The following SLCO6A1 variants were observed in gnomAD, a reference collection of about 807,000 sequenced individuals.
The protein encoded by SLCO6A1 is solute carrier organic anion transporter family member 6A1.
SLCO6A1 carries 65 observed loss-of-function variants against 72.7 expected under a neutral mutation model. That is an observed-to-expected ratio of 0.89 (90% confidence interval 0.73 to 1.10). SLCO6A1 has a LOEUF of 1.10. Among genes scored for constraint, SLCO6A1 ranks in the 50% least tolerant of loss-of-function variants. The probability of loss-of-function intolerance (pLI) is 0.00; values close to 1 mark genes in which losing one functional copy is unlikely to be tolerated. For missense variants in SLCO6A1, 874 were observed against 872.6 expected (o/e 1.00, Z -0.02); for synonymous variants, 314 against 298.2 (o/e 1.05, Z -0.55).
intron 4 of SLCO6A1, among the ~76,000 whole-genome samples, chr5:102,473,404 CT>C (rs1303731728): frequency 6.6e-6 from 1 of 151,976 alleles, no homozygotes; most frequent in Non-Finnish European, 1.5e-5. Context: ...GAAAAAGCAT[CT>C]GACAAAATTC....
At chr5:102,476,210 A>T (rs116569596) in intron 3 of SLCO6A1, among the ~76,000 whole-genome samples, 271 of 151,994 alleles carry the variant, frequency 1.8e-3, no homozygotes, top group African/African-American at 6.1e-3. Flanking sequence ...TACTGAAATT[A>T]AAAAAAATTT....
intron 4 of SLCO6A1, among the ~76,000 whole-genome samples, chr5:102,460,298 T>C (rs560095925): frequency 1.4e-4 from 21 of 152,246 alleles, no homozygotes; most frequent in Admixed American, 1.4e-3. Context: ...TGTGAATGTA[T>C]CCTTCTAGTT....
intron 7 of SLCO6A1, among the ~76,000 whole-genome samples, chr5:102,430,092 T>G (rs1031368989): frequency 6.6e-6 from 1 of 152,194 alleles, no homozygotes; most frequent in African/African-American, 2.4e-5. Context: ...ATTTCTAATT[T>G]GGCTCTCAGC....
chr5:102,386,495 G>T (rs577597029), intron 12 of SLCO6A1, among the ~76,000 whole-genome samples: 3 of 152,204 alleles, frequency 2.0e-5, no homozygotes, highest in Admixed American at 1.3e-4. Context: ...TGGAACCTAG[G>T]GCTATGGGGA....
chr5:102,414,553 A>T (rs543478513), intron 8 of SLCO6A1, among the ~76,000 whole-genome samples: 2 of 152,328 alleles, frequency 1.3e-5, no homozygotes, highest in East Asian at 3.9e-4. Flanking sequence ...GTAGAAAATT[A>T]ACATACAAAA....
intron 12 of SLCO6A1, among the ~76,000 whole-genome samples, chr5:102,378,930 G>A (rs114546213): frequency 0.029 from 4,352 of 151,938 alleles, 101 homozygotes; most frequent in Non-Finnish European, 0.046. Flanking sequence ...ACAGGTGCCC[G>A]CCACTACGCC....
intron 7 of SLCO6A1, among the ~76,000 whole-genome samples, chr5:102,435,606 G>A (rs1296351277): frequency 6.6e-6 from 1 of 152,156 alleles, no homozygotes; most frequent in African/African-American, 2.4e-5. Context: ...CAGGTGTGGT[G>A]GCTCACGCCT....
intron 6 of SLCO6A1, among the ~76,000 whole-genome samples, chr5:102,449,412 A>G (rs1454901707): frequency 6.7e-6 from 1 of 150,106 alleles, no homozygotes; most frequent in African/African-American, 2.5e-5. Context: ...TTTGAGACAG[A>G]GTCTCGCTCT....
rs536805179 is a variant in SLCO6A1, at chr5:102,497,552, G to A, written c.358+935C>T. On this transcript the variant is annotated intron_variant, in intron 1 of 13. Transcript: ENST00000506729. ...GCCAGTCAGGTTCTGGAGGAGGTGA[G>A]GCACCCAAGTTCGTGCCAGCCGGTT... Among the ~76,000 whole-genome samples, 20 of 152,284 alleles carry A rather than the reference G, an allele frequency of 1.3e-4. No individual in the cohort carries two copies. The South Asian group carries it at 4.1e-3, about 32-fold the overall frequency.
intron 7 of SLCO6A1, among the ~76,000 whole-genome samples, chr5:102,436,064 A>G (rs1180784456): frequency 5.3e-5 from 8 of 152,144 alleles, no homozygotes; most frequent in African/African-American, 2.4e-5. Flanking sequence ...TTTCTATCCC[A>G]TTGGCACCCA....
At chr5:102,372,148 C>G (rs1443815023) in intron 13 of SLCO6A1, 25 bp from the exon 14 acceptor site, 1 of 152,000 alleles carries the variant, frequency 6.6e-6, no homozygotes, top group Non-Finnish European at 1.5e-5. Context: ...AGAGAAGAGT[C>G]AAGCAATCAA....
At chr5:102,432,738 T>C (rs1749289196) in intron 7 of SLCO6A1, among the ~76,000 whole-genome samples, 1 of 152,180 alleles carries the variant, frequency 6.6e-6, no homozygotes, top group South Asian at 2.1e-4. Context: ...GAGAATCCTA[T>C]GATTATGTCT....
At chr5:102,414,367 TG>T (rs1748155250) in intron 8 of SLCO6A1, among the ~76,000 whole-genome samples, 1 of 152,178 alleles carries the variant, frequency 6.6e-6, no homozygotes, top group Non-Finnish European at 1.5e-5. Context: ...AAAATAGTAC[TG>T]GAAGTCCTAG....
intron 4 of SLCO6A1, among the ~76,000 whole-genome samples, chr5:102,469,626 T>A (rs1751498362): frequency 6.6e-6 from 1 of 152,208 alleles, no homozygotes. Context: ...TGAATTCCTC[T>A]TTTTGTAATT....
At chr5:102,425,820 A>C (rs1580402927) in intron 7 of SLCO6A1, among the ~76,000 whole-genome samples, 2 of 89,148 alleles carry the variant, frequency 2.2e-5, no homozygotes, top group South Asian at 6.6e-4. Flanking sequence ...AGACAATCCT[A>C]AGCCAAATGA....
intron 12 of SLCO6A1, among the ~76,000 whole-genome samples, chr5:102,384,190 T>G (rs1173148738): frequency 1.3e-5 from 2 of 151,970 alleles, no homozygotes; most frequent in Non-Finnish European, 2.9e-5. Flanking sequence ...ACATTTGCTC[T>G]GATTTTTATT....
intron 9 of SLCO6A1, among the ~76,000 whole-genome samples, chr5:102,409,081 T>A (rs1314551701): frequency 1.3e-5 from 2 of 152,146 alleles, no homozygotes; most frequent in African/African-American, 4.8e-5. Flanking sequence ...TTATTTAATA[T>A]CTATATAAAG....
At chr5:102,437,819 A>C (rs577793421) in intron 7 of SLCO6A1, among the ~76,000 whole-genome samples, 37 of 152,122 alleles carry the variant, frequency 2.4e-4, no homozygotes, top group Non-Finnish European at 4.7e-4. Context: ...TACTACTACT[A>C]CTTTATTGGT....
Position 102,477,560 on chromosome 5 carries a change from T to C in SLCO6A1, c.802+116A>G. On this transcript the variant is annotated intron_variant, in intron 3 of 13. Coordinates refer to ENST00000506729, the MANE Select transcript of SLCO6A1 (RefSeq NM_173488.5). Reference sequence around the variant, plus strand: ...TGGAGGTTTAGCATACCAATTATCATTTATTACAATGTTATCATAAGGGCC... The same window carrying C: ...TGGAGGTTTAGCATACCAATTATCACTTATTACAATGTTATCATAAGGGCC... The C allele has an allele frequency of 2.6e-6, 2 of 763,990 alleles. 1 individual carries two copies. The highest frequency in any genetic ancestry group is 4.1e-6 in the Non-Finnish European group (2 of 489,136). The allele number at this position is 763,990 out of a possible 1,614,324, so 47.3% of individuals were successfully genotyped here.
Sources: allele counts gnomAD v4.1 joint callset (sites outside exome capture counted in the v4.1 genomes callset), GRCh38; gene constraint gnomAD v4.1.1; transcripts MANE v1.5; gene names NCBI Gene and HGNC (gene_info 2026-07-23, HGNC 2026-07-21).